Variants in CCDC7 observed in about 807,000 individuals in gnomAD.
CCDC7 encodes coiled-coil domain-containing protein 7.
CCDC7 carries 183 observed loss-of-function variants against 196.9 expected under a neutral mutation model. The ratio of observed to expected loss-of-function variants is 0.93; its 90% CI spans 0.82 to 1.05. The LOEUF is 1.05. Ranked by LOEUF, CCDC7 falls within the 50% of genes least tolerant of loss-of-function variation. The pLI, the probability that CCDC7 is intolerant of heterozygous loss-of-function variation, is 0.00. For synonymous variants in CCDC7, 525 were observed against 484.6 expected (o/e 1.08, Z -1.10); for missense variants, 1,540 against 1,482.2 (o/e 1.04, Z -0.64).
intron 39 of CCDC7, 56 bp from the exon 41 acceptor site, chr10:32,851,751 A>C (rs1565711321): frequency 6.6e-7 from 1 of 1,508,690 alleles, no homozygotes; most frequent in East Asian, 2.3e-5. Flanking sequence ...TGAGTATTAA[A>C]AATAATTACA....
chr10:32,688,954 A>G, intron 22 of CCDC7, 99 bp from the exon 24 acceptor site: 1 of 737,254 alleles, frequency 1.4e-6, no homozygotes. Flanking sequence ...CTTTACAAAA[A>G]TGAGAGAAAA....
chr10:32,732,158 G>A (rs1186202226), intron 28 of CCDC7, among the ~76,000 whole-genome samples: 1 of 152,070 alleles, frequency 6.6e-6, no homozygotes, highest in Non-Finnish European at 1.5e-5. Flanking sequence ...TGGGTTAAAA[G>A]CCTTTCTTTT....
chr10:32,496,478 C>G (rs180933255), intron 9 of CCDC7, among the ~76,000 whole-genome samples: 1 of 152,230 alleles, frequency 6.6e-6, no homozygotes, highest in East Asian at 1.9e-4. Flanking sequence ...CAAAGGAATG[C>G]TTCCAGTTTT....
At chr10:32,844,852 A>G (rs2093186415) in intron 33 of CCDC7, among the ~76,000 whole-genome samples, 1 of 151,764 alleles carries the variant, frequency 6.6e-6, no homozygotes, top group Non-Finnish European at 1.5e-5. Context: ...TTCTACTATA[A>G]TAATAAAAAC....
At chr10:32,641,162 G>A (rs1242166057) in intron 20 of CCDC7, among the ~76,000 whole-genome samples, 1 of 152,050 alleles carries the variant, frequency 6.6e-6, no homozygotes, top group Non-Finnish European at 1.5e-5. Flanking sequence ...ACATCTTTGT[G>A]GCGTTCTCTG....
In CCDC7 at chr10:32,582,947, A is replaced by G. The variant is rs1334652348; in HGVS notation, c.1455-87A>G. 6.6e-6 allele frequency: 5 copies of G among 755,414 alleles called. 1 individual carries two copies. In the East Asian group the frequency reaches 1.4e-4, roughly 21 times the overall value. 46.8% of individuals were successfully genotyped at this position (755,414 alleles called of 1,614,324 possible). A position where few individuals can be genotyped will look rare whatever the true frequency, so the allele number is the denominator to read the frequency against. ...GAGTAATTATACTTACTTATTTAATATCCTTATATATTATTAAAATGATTC... is the reference window on the plus strand; with the variant it reads ...GAGTAATTATACTTACTTATTTAATGTCCTTATATATTATTAAAATGATTC... On this transcript the variant is annotated intron_variant, in intron 16 of 41. Transcript: ENST00000639629.
intron 3 of CCDC7, among the ~76,000 whole-genome samples, chr10:32,457,262 C>G (rs2034562821): frequency 6.6e-6 from 1 of 152,022 alleles, no homozygotes; most frequent in Non-Finnish European, 1.5e-5. Flanking sequence ...CTTTCTGTTC[C>G]TGACTTATTT....
chr10:32,503,289 A>G (rs536365644), intron 9 of CCDC7, among the ~76,000 whole-genome samples: 1 of 152,208 alleles, frequency 6.6e-6, no homozygotes, highest in African/African-American at 2.4e-5. Context: ...GGGTTCTGAT[A>G]TATGGATTTT....
Position 32,511,261 on chromosome 10 carries a change from CGGGGGGGGCGG to C in CCDC7, c.873-6681_873-6671del, listed in dbSNP as rs1393771969. On this transcript the variant is annotated intron_variant, in intron 9 of 41. Transcript: ENST00000639629. ...TGCCACAGAATTATTCTGTGGGGGG[CGGGGGGGGCGG>C]GGAAATGTACTTTTTGAATATGTGT... 1.3e-5 allele frequency: 5 copies of C among 380,454 alleles called. No individual in the cohort carries two copies. The South Asian group carries it at 1.5e-4, about 12-fold the overall frequency. 23.6% of individuals were successfully genotyped at this position (380,454 alleles called of 1,614,324 possible).
chr10:32,629,696 T>C (rs2064566462), intron 18 of CCDC7, among the ~76,000 whole-genome samples: 1 of 152,062 alleles, frequency 6.6e-6, no homozygotes, highest in Admixed American at 6.6e-5. Context: ...ACTTTTTCCT[T>C]TTTGGCTTGG....
intron 28 of CCDC7, among the ~76,000 whole-genome samples, chr10:32,746,969 C>T (rs2133335918): frequency 6.6e-6 from 1 of 152,362 alleles, no homozygotes; most frequent in Middle Eastern, 3.4e-3. Context: ...GTGCAGAATC[C>T]ACAGTGCTGC....
chr10:32,678,910 GGTT>G (rs1395349193), intron 21 of CCDC7, among the ~76,000 whole-genome samples: 2 of 152,068 alleles, frequency 1.3e-5, no homozygotes, highest in African/African-American at 2.4e-5. Context: ...ATCCTTGTCT[GGTT>G]GTTAAGTCTT....
intron 30 of CCDC7, among the ~76,000 whole-genome samples, chr10:32,814,031 C>T (rs2087782759): frequency 6.6e-6 from 1 of 152,118 alleles, no homozygotes; most frequent in East Asian, 1.9e-4. Flanking sequence ...GATCTCAGCT[C>T]ACTGCAACCT....
chr10:32,473,939 T>C, intron 7 of CCDC7, 28 bp from the exon 9 acceptor site: 1 of 1,587,572 alleles, frequency 6.3e-7, no homozygotes, highest in South Asian at 1.2e-5. Flanking sequence ...GTTTGAAGTT[T>C]ATAGTGACAA....
At chr10:32,609,698 G>A (rs2061896468) in intron 18 of CCDC7, among the ~76,000 whole-genome samples, 1 of 152,128 alleles carries the variant, frequency 6.6e-6, no homozygotes, top group Non-Finnish European at 1.5e-5. Context: ...GTATAATGGG[G>A]CAAATTTCCT....
At chr10:32,685,059 T>A (rs968003420) in intron 21 of CCDC7, among the ~76,000 whole-genome samples, 1 of 152,096 alleles carries the variant, frequency 6.6e-6, no homozygotes, top group African/African-American at 2.4e-5. Context: ...TAGTTCACCC[T>A]CCTTCATCTT....
At chr10:32,876,960 CATAAAT>C (rs1209111881), downstream of CCDC7, 1 of 152,052 alleles carries the variant, frequency 6.6e-6, no homozygotes, top group African/African-American at 2.4e-5. Context: ...TTATCACTGA[CATAAAT>C]ATTTAGACTT....
At chr10:32,659,037 T>G (rs1565001661) in intron 20 of CCDC7, among the ~76,000 whole-genome samples, 2 of 152,188 alleles carry the variant, frequency 1.3e-5, no homozygotes, top group Non-Finnish European at 2.9e-5. Flanking sequence ...TTGCATTTAG[T>G]TCTGCTCTGA....
At chr10:32,511,925 A>G (rs1488581150) in intron 9 of CCDC7, 1 of 586,880 alleles carries the variant, frequency 1.7e-6, no homozygotes, top group African/African-American at 1.9e-5. Context: ...TAAAATATAG[A>G]AACTAGGATT....
Sources: gnomAD v4.1 joint callset for allele counts (sites outside exome capture counted in the v4.1 genomes callset) on GRCh38, gnomAD v4.1.1 for gene constraint, MANE v1.5 for transcripts, NCBI Gene and HGNC (gene_info 2026-07-23, HGNC 2026-07-21) for gene names.